The following AZIN2 variants were observed in gnomAD, a reference collection of about 807,000 sequenced individuals.
The protein encoded by AZIN2 is ODC antizyme inhibitor-2.
A neutral mutation model predicts 47.8 loss-of-function variants in AZIN2; 28 were observed. That is an observed-to-expected ratio of 0.59 (90% CI 0.43 to 0.80). The LOEUF (loss-of-function observed/expected upper bound fraction) is 0.80. Ranked by LOEUF, AZIN2 falls within the 30% of genes least tolerant of loss-of-function variation. AZIN2 has a pLI of 0.00. For missense variants in AZIN2, 535 were observed against 582.5 expected (o/e 0.92, Z 0.84); for synonymous variants, 221 against 239.4 (o/e 0.92, Z 0.71).
the AZIN2 span, among the ~76,000 whole-genome samples, chr1:33,134,968 A>G: frequency 0.029 from 4,427 of 152,134 alleles, 122 homozygotes; most frequent in East Asian, 0.094. Flanking sequence ...CCACATAAAT[A>G]TGACCACCCT....
chr1:33,104,222 C>G (rs932703785), intron 10 of AZIN2, among the ~76,000 whole-genome samples: 1 of 152,072 alleles, frequency 6.6e-6, no homozygotes, highest in African/African-American at 2.4e-5. Flanking sequence ...AAGGATAAAC[C>G]ATTTTGTTTT....
the AZIN2 span, among the ~76,000 whole-genome samples, chr1:33,134,595 G>A: frequency 6.6e-5 from 10 of 152,198 alleles, no homozygotes; most frequent in South Asian, 1.5e-3. Context: ...CTCCTAATCC[G>A]GTAGTAGGAT....
At chr1:33,135,351 C>T in the AZIN2 span, among the ~76,000 whole-genome samples, 1 of 152,198 alleles carries the variant, frequency 6.6e-6, no homozygotes, top group African/African-American at 2.4e-5. Context: ...GCCAGGCCTT[C>T]ACGCTATTCA....
chr1:33,087,806 G>C (rs1356764186), intron 5 of AZIN2, among the ~76,000 whole-genome samples: 1 of 151,922 alleles, frequency 6.6e-6, no homozygotes, highest in Non-Finnish European at 1.5e-5. Context: ...GGCTTCAGAA[G>C]TGTATAAGAT....
chr1:33,115,479 G>A (rs943546669), intron 10 of AZIN2, among the ~76,000 whole-genome samples: 1 of 152,014 alleles, frequency 6.6e-6, no homozygotes, highest in Non-Finnish European at 1.5e-5. Context: ...CCGAGGTGGC[G>A]GATCACCTGA....
chr1:33,165,688 T>G, the AZIN2 span: 1 of 753,198 alleles, frequency 1.3e-6, no homozygotes, highest in Non-Finnish European at 2.0e-6. The surrounding 1 kb of genome is among the most constrained non-coding windows in gnomAD (Gnocchi z 4.0). Context: ...AACACTTGCC[T>G]CCCGTCACAG....
At position 33,092,170 on chromosome 1, in the gene AZIN2, T is replaced by G; in HGVS notation, c.400T>G (p.Phe134Val). The G allele has an allele frequency of 1.9e-6, 3 of 1,614,142 alleles. No individual in the cohort carries two copies. The highest frequency in any genetic ancestry group is 2.5e-6 in the Non-Finnish European group (3 of 1,180,014). ...CAAGCATGGGATCCAGCTGCTGAGC[T>G]TTGACAATGAGATGGAGCTGGCAAA... is the stretch of plus-strand genomic sequence containing the variant. ...AAKHGIQLLS[F>V]DNEMELAKVV... Residue 134 changes from phenylalanine to valine, a missense_variant, in exon 6 of 12, where the codon TTT (phenylalanine) becomes GTT (valine). Transcript: ENST00000294517.
chr1:33,145,671 T>A, the AZIN2 span: 37 of 313,518 alleles, frequency 1.2e-4, no homozygotes, highest in Middle Eastern at 1.2e-3. Flanking sequence ...GAAAGAAAAG[T>A]CAAGGCCGGG....
chr1:33,140,267 G>C, the AZIN2 span, among the ~76,000 whole-genome samples: 1 of 152,236 alleles, frequency 6.6e-6, no homozygotes, highest in South Asian at 2.1e-4. The surrounding 1 kb of genome is among the most constrained non-coding windows in gnomAD (Gnocchi z 4.0). Flanking sequence ...ACGGAGCTGG[G>C]GTTTACCCAG....
rs761575203 is a variant in AZIN2 at position 33,120,191 on chromosome 1, C to T, written c.*9C>T. 29 of 1,596,062 alleles carry T rather than the reference C, an allele frequency of 1.8e-5. No individual in the cohort carries two copies. Among genetic ancestry groups the T allele is most frequent in the East Asian group, 1.8e-4 (8 of 44,314 alleles). ...CAGCGAGCATCATGTGAGTGGGCCT[C>T]GTTCCCCCCGGAGAATCCCAGCGGG... On this transcript the variant is annotated 3_prime_UTR_variant, in exon 12 of 12. Transcript: ENST00000294517.
In AZIN2 at chr1:33,086,954, T is replaced by C. The variant is rs540357459; in HGVS notation, c.279+2827T>C. ...ACTTTCACTACTCCAAAGAATTTTC[T>C]CTTACCAACATCCCCAGTGAGCACT... is the stretch of plus-strand genomic sequence containing the variant. On this transcript the variant is annotated intron_variant, in intron 5 of 11. Transcript: ENST00000294517. Among the ~76,000 whole-genome samples the C allele has an allele frequency of 2.0e-5, 3 of 152,286 alleles. No individual in the cohort carries two copies. In the East Asian group the frequency reaches 5.8e-4, roughly 29 times the overall value.
the AZIN2 span, among the ~76,000 whole-genome samples, chr1:33,130,089 C>A: frequency 6.6e-6 from 1 of 152,146 alleles, no homozygotes; most frequent in Admixed American, 6.5e-5. Context: ...AAACTCCTGA[C>A]CTCACGTGAT....
the AZIN2 span, chr1:33,165,622 C>G: frequency 4.1e-6 from 6 of 1,456,108 alleles, no homozygotes; most frequent in African/African-American, 7.1e-5. The surrounding 1 kb of genome is among the most constrained non-coding windows in gnomAD (Gnocchi z 4.0). Context: ...CCCAGGCATT[C>G]AGCCCTGACC....
At chr1:33,114,922 C>G (rs1274048524) in intron 10 of AZIN2, among the ~76,000 whole-genome samples, 2 of 152,182 alleles carry the variant, frequency 1.3e-5, no homozygotes, top group African/African-American at 4.8e-5. Flanking sequence ...GGATTACAGG[C>G]GTGAGCCACC....
chr1:33,159,671 C>T, the AZIN2 span: 39 of 1,593,230 alleles, frequency 2.4e-5, no homozygotes, highest in African/African-American at 3.7e-4. This position sits in a 1 kb window ranked among gnomAD's most constrained non-coding sequence, Gnocchi z 4.2. Flanking sequence ...GGGAGGGCCC[C>T]GGCGGGTGGC....
chr1:33,155,792 CCAGT>C, the AZIN2 span, among the ~76,000 whole-genome samples: 2 of 152,186 alleles, frequency 1.3e-5, no homozygotes, highest in Non-Finnish European at 1.5e-5. Flanking sequence ...TTCTCTGCTG[CCAGT>C]CAGTTTGAAT....
the AZIN2 span, among the ~76,000 whole-genome samples, chr1:33,143,978 T>C: frequency 6.6e-6 from 1 of 152,188 alleles, no homozygotes; most frequent in Non-Finnish European, 1.5e-5. Flanking sequence ...CTTGCCTGAG[T>C]CACTACGTTC....
chr1:33,118,049 G>A lies in AZIN2; in HGVS notation c.1177G>A (p.Gly393Ser). 1.9e-6 allele frequency: 3 copies of A among 1,539,498 alleles called. No individual in the cohort carries two copies. The South Asian group carries it at 3.8e-5, about 20-fold the overall frequency. ...VFDNMGAYTV[G>S]MGSPFWGTQA... ...TGACAACATGGGCGCCTACACTGTG[G>A]GCATGGGTTCCCCCTTTTGGGGGAC... The change falls in exon 11 of 12, where the codon GGC becomes AGC. Residue 393 changes from glycine to serine, a missense_variant. Physicochemically the swap from Gly to Ser is moderately conservative, Grantham distance 56. This residue lies in a region of AZIN2 where 122 missense variants were observed against 135.8 expected (regional missense o/e 0.90). Coordinates refer to ENST00000294517, the MANE Select transcript of AZIN2 (RefSeq NM_052998.4).
chr1:33,136,023 C>T, the AZIN2 span, among the ~76,000 whole-genome samples: 21 of 151,838 alleles, frequency 1.4e-4, no homozygotes, highest in Admixed American at 1.4e-3. Flanking sequence ...GAAGGTGGAC[C>T]CAAGCTTGTC....
Sources: allele counts gnomAD v4.1 joint callset (sites outside exome capture counted in the v4.1 genomes callset), GRCh38; gene constraint gnomAD v4.1.1; regional missense constraint gnomAD v4.1.1; non-coding constraint Gnocchi (gnomAD v3.1); transcripts MANE v1.5; gene names NCBI Gene and HGNC (gene_info 2026-07-23, HGNC 2026-07-21).